TMEM128: variants seen among roughly 807,000 people sequenced by gnomAD.
TMEM128 encodes transmembrane protein 128.
In TMEM128, 16 loss-of-function variants were observed where a neutral mutation model predicts 19.7. The ratio of observed to expected loss-of-function variants is 0.81; its 90% CI spans 0.55 to 1.23. The LOEUF (loss-of-function observed/expected upper bound fraction) is 1.23. Ranked by LOEUF, TMEM128 falls within the 50% of genes most tolerant of loss-of-function variation. The probability of loss-of-function intolerance (pLI) is 0.00; values close to 1 mark genes in which losing one functional copy is unlikely to be tolerated. For missense variants in TMEM128, 237 were observed against 200.8 expected, an observed-to-expected ratio of 1.18 and a Z score of -1.09; for synonymous variants, 98 against 75.8, an observed-to-expected ratio of 1.29 and a Z score of -1.52.
chr4:4,240,278 A>T (rs757626874), intron 3 of TMEM128, 43 bp downstream of exon 3: 1 of 1,599,698 alleles, frequency 6.3e-7, no homozygotes, highest in Non-Finnish European at 8.5e-7. Flanking sequence ...TCAAAAAAAA[A>T]ATTTGTTGTT....
chr4:4,240,716 T>C (rs1299591573), intron 2 of TMEM128, among the ~76,000 whole-genome samples: 2 of 152,182 alleles, frequency 1.3e-5, no homozygotes, highest in Non-Finnish European at 2.9e-5. Context: ...CATGCATTTA[T>C]ATATACACTC....
In TMEM128 at chr4:4,243,111, G is replaced by A. The variant is rs1285443165; in HGVS notation, c.240-2632C>T. 3.3e-5 allele frequency among the ~76,000 whole-genome samples: 5 copies of A among 151,714 alleles called. 1 individual carries two copies. Among genetic ancestry groups the A allele is most frequent in the Admixed American group, 2.0e-4 (3 of 15,256 alleles). ...TTTAATTTTTTTAAGACGGAGTCTC[G>A]CTCTGTCGCCCAGGCTGGAGTGCAG... On this transcript the variant is annotated intron_variant, in intron 2 of 4. Transcript: ENST00000382753.
At chr4:4,246,598 A>G (rs2980102) in intron 1 of TMEM128, among the ~76,000 whole-genome samples, 64,127 of 151,998 alleles carry the variant, frequency 0.42, 13,966 homozygotes, top group African/African-American at 0.5. Flanking sequence ...GTCTTTCGGA[A>G]ATAACAATGT....
intron 4 of TMEM128, 133 bp downstream of exon 4, chr4:4,237,694 T>C: frequency 1.7e-6 from 1 of 587,252 alleles, no homozygotes; most frequent in Admixed American, 2.8e-5. Flanking sequence ...AATTCTAGTG[T>C]GGACAACTCT....
chr4:4,237,271 C>T (rs917502847), intron 4 of TMEM128, among the ~76,000 whole-genome samples: 14 of 152,086 alleles, frequency 9.2e-5, no homozygotes, highest in Non-Finnish European at 1.8e-4. Context: ...TATAAGCTGA[C>T]ACAAATTAAT....
intron 2 of TMEM128, among the ~76,000 whole-genome samples, chr4:4,245,908 T>C (rs998175321): frequency 5.3e-5 from 8 of 151,980 alleles, no homozygotes; most frequent in African/African-American, 1.9e-4. Flanking sequence ...ACTGGTGGGG[T>C]AACAGGGGGA....
rs139680535 is a variant in TMEM128 at position 4,246,255 on chromosome 4, C to T, written c.186G>A (p.Val62=). Residue 62 remains valine (V), a synonymous_variant, in exon 2 of 5, where the codon GTG becomes GTA. Coordinates refer to ENST00000382753, the MANE Select transcript of TMEM128 (RefSeq NM_001297551.2). The part of the protein sequence containing the change: ...SGFWILASIV[V]TYYVDFFKTL... ...TTTTAAAGAAGTCAACATAATAGGT[C>T]ACAACAATGGATGCCAAAATCCAGA... The T allele has an allele frequency of 8.1e-6, 13 of 1,612,596 alleles. No homozygotes were observed. The African/African-American group carries it at 1.7e-4, about 22-fold the overall frequency.
intron 3 of TMEM128, among the ~76,000 whole-genome samples, chr4:4,239,924 G>C (rs1184017005): frequency 6.6e-6 from 1 of 152,238 alleles, no homozygotes; most frequent in Non-Finnish European, 1.5e-5. Context: ...CCTGTGGCAG[G>C]AGGGAAGGTG....
At chr4:4,246,456 TAAC>T in intron 1 of TMEM128, 113 bp from the exon 2 acceptor site, 1 of 1,081,184 alleles carries the variant, frequency 9.2e-7, no homozygotes, top group South Asian at 1.8e-5. Flanking sequence ...TCTCCCATGA[TAAC>T]AAATCCTTCT....
chr4:4,239,961 G>T (rs1490998958), intron 3 of TMEM128, among the ~76,000 whole-genome samples: 1 of 152,156 alleles, frequency 6.6e-6, no homozygotes, highest in Non-Finnish European at 1.5e-5. Flanking sequence ...GAATGAAGGG[G>T]GTTCCCAGTG....
intron 4 of TMEM128, 79 bp downstream of exon 4, chr4:4,237,748 G>C: frequency 2.5e-6 from 2 of 791,188 alleles, no homozygotes; most frequent in South Asian, 3.0e-5. Flanking sequence ...GTCTGTTACA[G>C]CTCCATCCAC....
chr4:4,246,140 A>C, intron 2 of TMEM128, 62 bp downstream of exon 2: 1 of 1,531,162 alleles, frequency 6.5e-7, no homozygotes, highest in Non-Finnish European at 8.8e-7. Flanking sequence ...AATTCAACTA[A>C]CAAAATATAA....
At chr4:4,242,684 A>G (rs2108819037) in intron 2 of TMEM128, among the ~76,000 whole-genome samples, 1 of 151,928 alleles carries the variant, frequency 6.6e-6, no homozygotes, top group East Asian at 2.0e-4. Context: ...ACACCCAGCT[A>G]ATTTTTGTAT....
At chr4:4,237,022 G>A (rs1454522927) in intron 4 of TMEM128, 10 of 448,980 alleles carry the variant, frequency 2.2e-5, no homozygotes, top group East Asian at 1.4e-4. Flanking sequence ...AGAGTTATCC[G>A]ACACTCAGAA....
At chr4:4,246,122 G>C (rs2108822413) in intron 2 of TMEM128, 80 bp downstream of exon 2, 1 of 1,456,620 alleles carries the variant, frequency 6.9e-7, no homozygotes, top group Non-Finnish European at 9.3e-7. Context: ...GGTGCTTACT[G>C]TTTGAAGAAT....
At position 4,248,127 on chromosome 4, in the gene TMEM128, G is replaced by C; in HGVS notation, c.76C>G (p.Arg26Gly). 2.0e-6 allele frequency: 3 copies of C among 1,535,714 alleles called. No individual in the cohort carries two copies. The highest frequency in any genetic ancestry group is 2.6e-6 in the Non-Finnish European group (3 of 1,143,588). The change falls in exon 1 of 5, where the codon CGC becomes GGC. Residue 26 changes from arginine (R) to glycine (G), a missense_variant. Physicochemically the swap from Arg to Gly is moderately radical, Grantham distance 125 (BLOSUM62 -2). Coordinates refer to ENST00000382753, the MANE Select transcript of TMEM128 (RefSeq NM_001297551.2). ...TCACCCGGCCCGGCGTCACCCTCGC[G>C]GTCCAGCTGGGCCTCGGCGTCCGGC... Reference protein sequence around the residue: ...LLPDAEAQLDREGDAGPETST... With the variant: ...LLPDAEAQLDGEGDAGPETST...
intron 4 of TMEM128, chr4:4,237,021 C>T (rs902924104): frequency 1.7e-4 from 75 of 448,064 alleles, no homozygotes; most frequent in Admixed American, 7.2e-4. Context: ...CAGAGTTATC[C>T]GACACTCAGA....
chr4:4,243,560 G>A (rs536349653), intron 2 of TMEM128, among the ~76,000 whole-genome samples: 2 of 152,308 alleles, frequency 1.3e-5, no homozygotes, highest in South Asian at 4.1e-4. Flanking sequence ...TGTCTTTTGT[G>A]CAGCCCTCTC....
chr4:4,246,492 A>AT (rs1347222821), intron 1 of TMEM128, 149 bp from the exon 2 acceptor site: 1 of 730,092 alleles, frequency 1.4e-6, no homozygotes, highest in Non-Finnish European at 2.1e-6. Flanking sequence ...AGATAGGTTT[A>AT]TATTTACAAA....
Sources: gnomAD v4.1 joint callset for allele counts (sites outside exome capture counted in the v4.1 genomes callset) on GRCh38, gnomAD v4.1.1 for gene constraint, MANE v1.5 for transcripts, NCBI Gene and HGNC (gene_info 2026-07-23, HGNC 2026-07-21) for gene names.